Variants in CADM2 observed in about 807,000 individuals in gnomAD.
The protein encoded by CADM2 is cell adhesion molecule 2, also known as immunoglobulin superfamily member 4D.
A neutral mutation model predicts 49.8 loss-of-function variants in CADM2; 12 were observed. The observed-to-expected ratio is 0.24, with a 90% CI of 0.15 to 0.39. The LOEUF (loss-of-function observed/expected upper bound fraction) is 0.39, where lower values mean the gene tolerates loss of function less well. CADM2 is among the 10% of genes least tolerant of loss of function. The probability of loss-of-function intolerance (pLI) is 1.00; values close to 1 mark genes in which losing one functional copy is unlikely to be tolerated. For missense variants in CADM2, 378 were observed against 492.3 expected (o/e 0.77, Z 2.20); for synonymous variants, 214 against 175.4 (o/e 1.22, Z -1.74).
intron 1 of CADM2, among the ~76,000 whole-genome samples, chr3:84,994,888 C>T (rs910285383): frequency 1.7e-4 from 26 of 151,898 alleles, no homozygotes; most frequent in Non-Finnish European, 2.9e-4. Context: ...ATAAGCCGGG[C>T]GTGGTGGTGT....
chr3:85,686,710 T>A (rs927529269), intron 1 of CADM2, among the ~76,000 whole-genome samples: 8 of 152,168 alleles, frequency 5.3e-5, no homozygotes, highest in African/African-American at 1.9e-4. Context: ...TGGGAACTAC[T>A]TAGGGCAAAC....
intron 2 of CADM2, among the ~76,000 whole-genome samples, chr3:85,746,415 T>C (rs535065899): frequency 1.4e-4 from 22 of 152,178 alleles, no homozygotes; most frequent in Non-Finnish European, 2.5e-4. Context: ...AGGAAAAATA[T>C]GGAGAATTTG....
chr3:86,027,216 T>C (rs1365112953), intron 8 of CADM2, among the ~76,000 whole-genome samples: 2 of 152,188 alleles, frequency 1.3e-5, no homozygotes, highest in Non-Finnish European at 2.9e-5. Flanking sequence ...CACTATTCTT[T>C]CCACAGCATT....
At chr3:85,888,636 T>G (rs558458102) in intron 5 of CADM2, among the ~76,000 whole-genome samples, 83 of 152,314 alleles carry the variant, frequency 5.4e-4, no homozygotes, top group African/African-American at 1.9e-3. Context: ...CTATCTAATC[T>G]TACAATTCTT....
chr3:85,767,217 G>T (rs2069702887), intron 2 of CADM2, among the ~76,000 whole-genome samples: 1 of 152,002 alleles, frequency 6.6e-6, no homozygotes, highest in Non-Finnish European at 1.5e-5. Context: ...TATATTACCG[G>T]GTTTACCATG....
intron 1 of CADM2, among the ~76,000 whole-genome samples, chr3:85,700,736 A>T (rs1038037791): frequency 1.3e-5 from 2 of 152,254 alleles, no homozygotes; most frequent in African/African-American, 4.8e-5. Flanking sequence ...TAAGTTCCTC[A>T]TTTCCATTTG....
intron 1 of CADM2, among the ~76,000 whole-genome samples, chr3:85,344,253 C>T (rs866987964): frequency 1.3e-5 from 2 of 151,520 alleles, no homozygotes; most frequent in African/African-American, 4.8e-5. Flanking sequence ...TGGTGGCAGG[C>T]ACCTGTAGTC....
chr3:85,026,203 T>A (rs1180795660), intron 1 of CADM2, among the ~76,000 whole-genome samples: 1 of 152,198 alleles, frequency 6.6e-6, no homozygotes, highest in Admixed American at 6.5e-5. Flanking sequence ...GAGTTATACA[T>A]TGACTTCCAA....
intron 1 of CADM2, among the ~76,000 whole-genome samples, chr3:85,502,958 G>C (rs1271122067): frequency 6.6e-6 from 1 of 150,486 alleles, no homozygotes; most frequent in Non-Finnish European, 1.5e-5. Context: ...AAGAAAAATT[G>C]TAAAAGATTG....
At chr3:85,808,593 A>G (rs1319362928) in intron 3 of CADM2, among the ~76,000 whole-genome samples, 1 of 152,172 alleles carries the variant, frequency 6.6e-6, no homozygotes, top group Non-Finnish European at 1.5e-5. Context: ...TTGAACAAGC[A>G]TCTCCAGGAG....
chr3:85,904,941 T>G (rs2108459462), intron 5 of CADM2, among the ~76,000 whole-genome samples: 1 of 152,324 alleles, frequency 6.6e-6, no homozygotes, highest in South Asian at 2.1e-4. Flanking sequence ...TTTTATAATT[T>G]TCTTTTTCCT....
chr3:85,371,645 A>G (rs1266193234), intron 1 of CADM2, among the ~76,000 whole-genome samples: 2 of 52,376 alleles, frequency 3.8e-5, no homozygotes, highest in Admixed American at 2.3e-4. Context: ...GTGTGTGTGC[A>G]TGGGGATATA....
intron 2 of CADM2, among the ~76,000 whole-genome samples, chr3:85,776,091 A>T (rs999680075): frequency 2.0e-5 from 3 of 151,820 alleles, no homozygotes; most frequent in African/African-American, 4.8e-5. Flanking sequence ...TATATAAGAA[A>T]TTTTCATAGT....
chr3:85,269,240 G>A (rs1398162775), intron 1 of CADM2, among the ~76,000 whole-genome samples: 1 of 151,162 alleles, frequency 6.6e-6, no homozygotes, highest in African/African-American at 2.4e-5. Context: ...CCCCACGAAG[G>A]TGATCTGACA....
chr3:85,460,732 T>TGG (rs1401591084), intron 1 of CADM2, among the ~76,000 whole-genome samples: 90 of 110,048 alleles, frequency 8.2e-4, no homozygotes, highest in South Asian at 1.8e-3. Context: ...GTGGGAGATG[T>TGG]GGTGTGTGTG....
intron 1 of CADM2, among the ~76,000 whole-genome samples, chr3:85,424,030 G>A (rs953174697): frequency 1.3e-5 from 2 of 152,020 alleles, no homozygotes; most frequent in African/African-American, 4.8e-5. Flanking sequence ...GCCATAAATT[G>A]TGTTTGAAAA....
At chr3:85,558,560 T>C (rs904398944) in intron 1 of CADM2, among the ~76,000 whole-genome samples, 1 of 152,104 alleles carries the variant, frequency 6.6e-6, no homozygotes, top group Non-Finnish European at 1.5e-5. Flanking sequence ...GATAATGCCA[T>C]CATTTTTCAA....
At chr3:85,460,693 T>C (rs111246761) in intron 1 of CADM2, among the ~76,000 whole-genome samples, 2,029 of 152,048 alleles carry the variant, frequency 0.013, 26 homozygotes, top group Non-Finnish European at 0.021. Context: ...TTAACTACTA[T>C]GTTTGGAATT....
At chr3:85,693,723 CAAAAAAAAA>C (rs397807084) in intron 1 of CADM2, among the ~76,000 whole-genome samples, 2 of 66,554 alleles carry the variant, frequency 3.0e-5, no homozygotes, top group South Asian at 1.1e-3. Context: ...ACGTATCTAC[CAAAAAAAAA>C]AAAAAAAAAA....
Sources: allele counts gnomAD v4.1 joint callset (sites outside exome capture counted in the v4.1 genomes callset), GRCh38; gene constraint gnomAD v4.1.1; transcripts MANE v1.5; gene names NCBI Gene and HGNC (gene_info 2026-07-23, HGNC 2026-07-21).